The following NKAIN2 variants were observed in gnomAD, a reference collection of about 807,000 sequenced individuals.
NKAIN2 encodes sodium/potassium-transporting ATPase subunit beta-1-interacting protein 2.
NKAIN2 carries 14 observed loss-of-function variants against 32.6 expected under a neutral mutation model. The ratio of observed to expected loss-of-function variants is 0.43; its 90% CI spans 0.28 to 0.67. The LOEUF (loss-of-function observed/expected upper bound fraction) is 0.67, where lower values mean the gene tolerates loss of function less well. Ranked by LOEUF, NKAIN2 falls within the 30% of genes least tolerant of loss-of-function variation. The pLI, the probability that NKAIN2 is intolerant of heterozygous loss-of-function variation, is 0.17. For synonymous variants in NKAIN2, 80 were observed against 87.2 expected (o/e 0.92, Z 0.46); for missense variants, 198 against 258.3 (o/e 0.77, Z 1.60).
At chr6:124,736,286 T>A (rs551375217) in intron 4 of NKAIN2, among the ~76,000 whole-genome samples, 1 of 152,008 alleles carries the variant, frequency 6.6e-6, no homozygotes, top group African/African-American at 2.4e-5. Flanking sequence ...CAGAAGTTAG[T>A]TCATGAGGTT....
rs145769839 is a variant in NKAIN2, at chr6:124,419,626, C to G, written c.273+64279C>G. On this transcript the variant is annotated intron_variant, in intron 3 of 6. Transcript: ENST00000368417. Reference sequence around the variant, plus strand: ...ACTCTTACTGCTACTTAGAAAGCAACAAGTTCATAGTCCTGAAATGACCCA... The same window carrying G: ...ACTCTTACTGCTACTTAGAAAGCAAGAAGTTCATAGTCCTGAAATGACCCA... 3.1e-3 allele frequency among the ~76,000 whole-genome samples: 475 copies of G among 152,194 alleles called. 2 individuals carry two copies. The highest frequency in any genetic ancestry group is 0.011 in the African/African-American group (454 of 41,544).
At chr6:124,069,505 G>GT (rs1783340712) in intron 1 of NKAIN2, among the ~76,000 whole-genome samples, 2 of 152,082 alleles carry the variant, frequency 1.3e-5, no homozygotes, top group South Asian at 4.2e-4. Context: ...GCCTCATTCT[G>GT]TTTTTATAAT....
intron 3 of NKAIN2, among the ~76,000 whole-genome samples, chr6:124,427,344 T>A (rs1775024394): frequency 6.6e-6 from 1 of 152,182 alleles, no homozygotes; most frequent in Non-Finnish European, 1.5e-5. Flanking sequence ...GAACTACTGA[T>A]ATATACAACA....
intron 1 of NKAIN2, among the ~76,000 whole-genome samples, chr6:124,004,138 A>AACC (rs1779982309): frequency 6.6e-6 from 1 of 152,326 alleles, no homozygotes; most frequent in South Asian, 2.1e-4. Context: ...CTTGGATATG[A>AACC]ACCACTTTTA....
intron 1 of NKAIN2, among the ~76,000 whole-genome samples, chr6:124,197,900 A>G (rs943638958): frequency 1.6e-5 from 2 of 126,360 alleles, no homozygotes; most frequent in African/African-American, 6.3e-5. Context: ...CCTTTTTATT[A>G]CCAACAGCAT....
intron 4 of NKAIN2, among the ~76,000 whole-genome samples, chr6:124,703,221 G>A (rs1020000769): frequency 5.9e-5 from 9 of 151,768 alleles, no homozygotes; most frequent in Non-Finnish European, 1.2e-4. Context: ...ATTTACTCTG[G>A]GAATTTTCAA....
At chr6:124,124,358 T>C (rs897928550) in intron 1 of NKAIN2, among the ~76,000 whole-genome samples, 1 of 77,084 alleles carries the variant, frequency 1.3e-5, no homozygotes, top group African/African-American at 6.2e-5. Context: ...ATTATTGCTC[T>C]TCCAGTTAAA....
intron 4 of NKAIN2, among the ~76,000 whole-genome samples, chr6:124,760,950 T>C (rs1333092011): frequency 2.0e-5 from 3 of 152,196 alleles, no homozygotes; most frequent in Admixed American, 2.0e-4. Context: ...TTCTGGCACA[T>C]AGTAGGCACC....
intron 4 of NKAIN2, among the ~76,000 whole-genome samples, chr6:124,693,002 A>T (rs573048648): frequency 7.4e-4 from 113 of 152,324 alleles, no homozygotes; most frequent in African/African-American, 2.5e-3. Flanking sequence ...CACAATGCAG[A>T]TGTTAAAGAA....
chr6:124,669,261 C>T (rs1772974033), intron 4 of NKAIN2, among the ~76,000 whole-genome samples: 1 of 152,118 alleles, frequency 6.6e-6, no homozygotes, highest in Admixed American at 6.5e-5. Flanking sequence ...TACATTCATT[C>T]AGTCACTCAA....
chr6:123,833,691 C>G (rs1299828729), intron 1 of NKAIN2, among the ~76,000 whole-genome samples: 2 of 129,570 alleles, frequency 1.5e-5, no homozygotes, highest in South Asian at 5.2e-4. Flanking sequence ...ATTTTTTTTC[C>G]TGTGTGTGTG....
intron 2 of NKAIN2, among the ~76,000 whole-genome samples, chr6:124,299,614 A>G (rs954992853): frequency 6.6e-6 from 1 of 152,222 alleles, no homozygotes; most frequent in Non-Finnish European, 1.5e-5. Context: ...TAACATCGTC[A>G]TAGATATTAG....
intron 1 of NKAIN2, among the ~76,000 whole-genome samples, chr6:123,989,729 T>A (rs992733267): frequency 2.2e-4 from 34 of 152,292 alleles, no homozygotes; most frequent in African/African-American, 5.5e-4. Context: ...GAATTTTTTT[T>A]AAAACCATCT....
At chr6:124,815,244 ATATATGTATATATATATGTG>A (rs1781104966) in intron 5 of NKAIN2, among the ~76,000 whole-genome samples, 1 of 141,922 alleles carries the variant, frequency 7.0e-6, no homozygotes. Flanking sequence ...ATATATATGT[ATATATGTATATATATATGTG>A]TATATATATG....
intron 1 of NKAIN2, among the ~76,000 whole-genome samples, chr6:124,019,234 C>T (rs1052437479): frequency 7.2e-5 from 11 of 152,062 alleles, no homozygotes; most frequent in South Asian, 2.1e-4. Context: ...TGGGTGGGGA[C>T]GAAACCAAAC....
intron 5 of NKAIN2, among the ~76,000 whole-genome samples, chr6:124,795,099 A>G (rs1337868): frequency 0.88 from 133,865 of 152,160 alleles, 60,282 homozygotes; most frequent in East Asian, 1. Context: ...GCAGTGAAAC[A>G]TAGTGGCAGG....
At chr6:124,334,769 T>G (rs1797801164) in intron 2 of NKAIN2, among the ~76,000 whole-genome samples, 1 of 152,210 alleles carries the variant, frequency 6.6e-6, no homozygotes, top group African/African-American at 2.4e-5. Context: ...TTTGTTAATT[T>G]TACAAAGGCA....
At chr6:124,820,388 G>C (rs1781343947) in intron 6 of NKAIN2, among the ~76,000 whole-genome samples, 1 of 152,190 alleles carries the variant, frequency 6.6e-6, no homozygotes, top group Admixed American at 6.5e-5. Flanking sequence ...GCAAAATAGA[G>C]ATCGCATACA....
At chr6:124,783,245 T>C (rs748233495) in intron 4 of NKAIN2, among the ~76,000 whole-genome samples, 10 of 152,184 alleles carry the variant, frequency 6.6e-5, no homozygotes, top group Non-Finnish European at 1.0e-4. Flanking sequence ...GATAACTTTT[T>C]GATAAGTTTG....
Sources: gnomAD v4.1 joint callset for allele counts (sites outside exome capture counted in the v4.1 genomes callset) on GRCh38, gnomAD v4.1.1 for gene constraint, MANE v1.5 for transcripts, NCBI Gene and HGNC (gene_info 2026-07-23, HGNC 2026-07-21) for gene names.